Variants in PARP9 observed in about 807,000 individuals in gnomAD.
PARP9 encodes poly(ADP-ribose) polymerase family member 9.
Under a neutral mutation model 68.8 loss-of-function variants are expected in PARP9, and 48 were observed. The observed-to-expected ratio is 0.70, with a 90% CI of 0.55 to 0.89. The LOEUF (loss-of-function observed/expected upper bound fraction) is 0.89. PARP9 is among the 40% of genes least tolerant of loss of function. The pLI is 0.00. For missense variants in PARP9, 806 were observed against 969.3 expected, an observed-to-expected ratio of 0.83 and a Z score of 2.24; for synonymous variants, 309 against 333.8, an observed-to-expected ratio of 0.93 and a Z score of 0.81.
At chr3:122,560,765 A>G (rs576181015) in intron 1 of PARP9, among the ~76,000 whole-genome samples, 1 of 152,340 alleles carries the variant, frequency 6.6e-6, no homozygotes, top group Non-Finnish European at 1.5e-5. Flanking sequence ...TTACTCATCA[A>G]GGGAAAGCAG....
chr3:122,561,309 AGT>A (rs764643055), intron 1 of PARP9, among the ~76,000 whole-genome samples: 235 of 152,250 alleles, frequency 1.5e-3, no homozygotes, highest in Non-Finnish European at 3.0e-3. Context: ...AAATACAAAA[AGT>A]TAGCTGGCCA....
intron 1 of PARP9, among the ~76,000 whole-genome samples, chr3:122,562,095 G>A (rs974663283): frequency 2.0e-5 from 3 of 151,864 alleles, no homozygotes; most frequent in Non-Finnish European, 4.4e-5. Context: ...TTCCTTCCTC[G>A]CCCACTGACA....
intron 5 of PARP9, among the ~76,000 whole-genome samples, chr3:122,552,059 G>A (rs1301544445): frequency 1.3e-5 from 2 of 152,016 alleles, no homozygotes; most frequent in African/African-American, 4.8e-5. Context: ...GGGACTACAG[G>A]TGTGCACCAC....
At chr3:122,562,713 T>G (rs1408690342) in intron 1 of PARP9, among the ~76,000 whole-genome samples, 3 of 152,226 alleles carry the variant, frequency 2.0e-5, no homozygotes, top group African/African-American at 7.2e-5. Context: ...TTCTGCATCT[T>G]ATTTTTCCCA....
At chr3:122,561,461 A>T (rs1441167281) in intron 1 of PARP9, among the ~76,000 whole-genome samples, 1 of 152,038 alleles carries the variant, frequency 6.6e-6, no homozygotes, top group Non-Finnish European at 1.5e-5. Context: ...CTGTCTCAAA[A>T]AAAAGAAGAG....
intron 10 of PARP9, among the ~76,000 whole-genome samples, chr3:122,529,341 T>C (rs2077138908): frequency 6.6e-6 from 1 of 151,600 alleles, no homozygotes; most frequent in Non-Finnish European, 1.5e-5. Context: ...ATTTGGGTAG[T>C]AACTCCACGT....
intron 10 of PARP9, 169 bp downstream of exon 10, chr3:122,535,999 C>A: frequency 1.3e-6 from 2 of 1,506,086 alleles, no homozygotes; most frequent in Non-Finnish European, 1.8e-6. Context: ...GTAAAAAATA[C>A]CACTCTTTCC....
At chr3:122,554,548 C>A (rs941484453) in intron 4 of PARP9, among the ~76,000 whole-genome samples, 1 of 152,100 alleles carries the variant, frequency 6.6e-6, no homozygotes, top group African/African-American at 2.4e-5. Flanking sequence ...ATGTGCCAAG[C>A]ACTACTCTAA....
chr3:122,555,300 T>C lies in PARP9; in HGVS notation c.871A>G (p.Ile291Val). 4 of 1,609,310 alleles carry C rather than the reference T, an allele frequency of 2.5e-6. No homozygotes were observed. The South Asian group carries it at 4.4e-5, about 18-fold the overall frequency. ...CAAAGACTTACCGTCTGCCATTCAA[T>C]GTGGCCCTGGACAATCTGGAGGGTC... ...NLTLQIVQGHIEWQTADVIVN... is the reference protein window; with the variant it reads ...NLTLQIVQGHVEWQTADVIVN... Residue 291 changes from isoleucine to valine, a missense_variant, in exon 4 of 11, where the codon ATT becomes GTT. Coordinates refer to ENST00000682323, the MANE Select transcript of PARP9 (RefSeq NM_001146105.2).
rs1404968700 is a variant in PARP9 at position 122,528,609 on chromosome 3, C to T, written c.2215G>A (p.Gly739Arg). 6.2e-7 allele frequency: 1 copy of T among 1,614,008 alleles called. No individual in the cohort carries two copies. The highest frequency in any genetic ancestry group is 8.5e-7 in the Non-Finnish European group (1 of 1,180,032). ...AEVLTGFFCQ[G>R]HPLNIVPPPL... ...GGGGGAACAATATTTAACGGATGTC[C>T]CTGGCAGAAGAAGCCTGTGAGTACT... is the stretch of plus-strand genomic sequence containing the variant. The change falls in exon 11 of 11, where the codon GGA (glycine) becomes AGA (arginine). Residue 739 changes from glycine (G) to arginine (R), a missense_variant. By Grantham distance (125) the Gly-to-Arg change is moderately radical. Coordinates refer to ENST00000682323, the MANE Select transcript of PARP9 (RefSeq NM_001146105.2).
chr3:122,558,317 G>T (rs762850741), intron 3 of PARP9, 117 bp downstream of exon 3: 1 of 1,613,356 alleles, frequency 6.2e-7, no homozygotes, highest in South Asian at 1.1e-5. Flanking sequence ...ACAAGGGTCT[G>T]CAGTCACGCA....
chr3:122,556,069 A>T lies in PARP9; in HGVS notation c.102T>A (p.Asn34Lys). ...NYSWQIPINHNDFKILKNNER... is the reference protein window; with the variant it reads ...NYSWQIPINHKDFKILKNNER... ...CATTATTTTTTAAAATTTTGAAGTC[A>T]TTGTGGTTAATGGGAATTTGCCAAC... The change falls in exon 4 of 11, where the codon AAT becomes AAA. Residue 34 changes from asparagine (N) to lysine (K), a missense_variant. This residue lies in a region of PARP9 where 126 missense variants were observed against 110.5 expected (regional missense o/e 1.14). Coordinates refer to ENST00000682323, the MANE Select transcript of PARP9 (RefSeq NM_001146105.2). 1 of 1,523,540 alleles carries T rather than the reference A, an allele frequency of 6.6e-7. No individual in the cohort carries two copies. 94.4% of individuals were successfully genotyped at this position (1,523,540 alleles called of 1,614,324 possible).
At position 122,550,684 on chromosome 3, in the gene PARP9, T is replaced by C. The variant is rs1289682956; in HGVS notation, c.1226A>G (p.Glu409Gly). The change falls in exon 6 of 11, where the codon GAG (glutamate) becomes GGG (glycine). Residue 409 changes from glutamate (E) to glycine (G), a missense_variant. Physicochemically the swap from Glu to Gly is moderately conservative, Grantham distance 98 (BLOSUM62 -2). Coordinates refer to ENST00000682323, the MANE Select transcript of PARP9 (RefSeq NM_001146105.2). ...NMEIKKETAA[E>G]ILFDEVLTFA... ...TGTTAAAACTTCATCAAACAAAATCTCTGCTGCTGTTTCCTTCTTTATTTC... is the reference window on the plus strand; with the variant it reads ...TGTTAAAACTTCATCAAACAAAATCCCTGCTGCTGTTTCCTTCTTTATTTC... 1 of 1,614,054 alleles carries C rather than the reference T, an allele frequency of 6.2e-7. No individual in the cohort carries two copies. The highest frequency in any genetic ancestry group is 8.5e-7 in the Non-Finnish European group (1 of 1,180,026).
rs1368920138 is a variant in PARP9, at chr3:122,555,691, A to G, written c.480T>C (p.His160=). 1 of 1,614,034 alleles carries G rather than the reference A, an allele frequency of 6.2e-7. No homozygotes were observed. The highest frequency in any genetic ancestry group is 2.2e-5 in the East Asian group (1 of 44,892). Residue 160 remains histidine (H), a synonymous_variant, in exon 4 of 11, where the codon CAT becomes CAC. Transcript: ENST00000682323. ...ATTCCATCCACCGAGGCCCAACAGC[A>G]TGGATGATCTGTTTGCAGGGAAGCC... ...AGRLPCKQII[H]AVGPRWMEWD... is the part of the protein sequence containing the mutation.
rs1019018856 is a variant in PARP9, at chr3:122,558,252, G to A, written c.49+182C>T. 3 of 1,502,554 alleles carry A rather than the reference G, an allele frequency of 2.0e-6. No individual in the cohort carries two copies. The African/African-American group carries it at 4.1e-5, about 21-fold the overall frequency. The allele number at this position is 1,502,554 out of a possible 1,614,324, so 93.1% of individuals were successfully genotyped here. On this transcript the variant is annotated intron_variant, in intron 3 of 10. Coordinates refer to ENST00000682323, the MANE Select transcript of PARP9 (RefSeq NM_001146105.2). ...GAGAGGAATGGTGTAGGCCTTGAGA[G>A]AATATGCCTGCTGGTCGGTGCCACA...
chr3:122,558,153 A>T (rs1196455311), intron 3 of PARP9, among the ~76,000 whole-genome samples: 1 of 152,268 alleles, frequency 6.6e-6, no homozygotes, highest in Non-Finnish European at 1.5e-5. Context: ...GCAAGGAGAC[A>T]ATCAGTTGGC....
At chr3:122,560,216 T>C (rs1378451525) in intron 1 of PARP9, among the ~76,000 whole-genome samples, 1 of 152,152 alleles carries the variant, frequency 6.6e-6, no homozygotes, top group Non-Finnish European at 1.5e-5. Context: ...GGGGTATATC[T>C]GGTTAAAAGT....
intron 7 of PARP9, among the ~76,000 whole-genome samples, chr3:122,541,964 A>G (rs1485459262): frequency 1.3e-5 from 2 of 152,240 alleles, no homozygotes; most frequent in East Asian, 3.8e-4. Context: ...CCTAGAAGTA[A>G]GATGGGGAGG....
At position 122,550,777 on chromosome 3, in the gene PARP9, C is replaced by T. The variant is rs1376177800; in HGVS notation, c.1133G>A (p.Cys378Tyr). 6.2e-7 allele frequency: 1 copy of T among 1,613,924 alleles called. No homozygotes were observed. The part of the protein sequence containing the change: ...PQILKHAMKE[C>Y]LEKCIEQNIT... ...ATTTTGCTCAATGCATTTTTCCAAA[C>T]ACTCCTTCATTGCATGTTTTAATAT... is the stretch of plus-strand genomic sequence containing the variant. The change falls in exon 6 of 11, where the codon TGT (cysteine) becomes TAT (tyrosine). Residue 378 changes from cysteine (C) to tyrosine (Y), a missense_variant. Coordinates refer to ENST00000682323, the MANE Select transcript of PARP9 (RefSeq NM_001146105.2).
Sources: allele counts gnomAD v4.1 joint callset (sites outside exome capture counted in the v4.1 genomes callset), GRCh38; gene constraint gnomAD v4.1.1; regional missense constraint gnomAD v4.1.1; transcripts MANE v1.5; gene names NCBI Gene and HGNC (gene_info 2026-07-23, HGNC 2026-07-21).